Variants in BCL7C observed in about 807,000 individuals in gnomAD.
The protein encoded by BCL7C is B-cell CLL/lymphoma 7 protein family member C.
In BCL7C, 8 loss-of-function variants were observed where a neutral mutation model predicts 26.2. That is an observed-to-expected ratio of 0.30 (90% CI 0.18 to 0.55). The LOEUF is 0.55. Among genes scored for constraint, BCL7C ranks in the 20% least tolerant of loss-of-function variants. The pLI is 0.93. For missense variants in BCL7C, 262 were observed against 298.5 expected (o/e 0.88, Z 0.90); for synonymous variants, 90 against 116.5 (o/e 0.77, Z 1.47).
chr16:30,891,099 G>GTT (rs959181590), intron 4 of BCL7C, among the ~76,000 whole-genome samples: 1 of 150,434 alleles, frequency 6.6e-6, no homozygotes, highest in Non-Finnish European at 1.5e-5. Flanking sequence ...AACCTGGGAG[G>GTT]CAGAGTTTGC....
chr16:30,868,715 G>A (rs1374757999), intron 5 of BCL7C, among the ~76,000 whole-genome samples: 2 of 151,882 alleles, frequency 1.3e-5, no homozygotes, highest in Admixed American at 6.6e-5. Context: ...ATCCTGGGAG[G>A]TGGAGGTTGT....
chr16:30,890,676 TC>T, intron 4 of BCL7C, among the ~76,000 whole-genome samples: 1 of 149,240 alleles, frequency 6.7e-6, no homozygotes, highest in Non-Finnish European at 1.5e-5. Flanking sequence ...ATGGTGAAAC[TC>T]CATCTTTACT....
At chr16:30,864,885 C>T (rs1334325503) in intron 5 of BCL7C, among the ~76,000 whole-genome samples, 2 of 120,170 alleles carry the variant, frequency 1.7e-5, no homozygotes, top group African/African-American at 6.3e-5. Context: ...AATATTCTCC[C>T]CTGCCCTTAA....
chr16:30,850,590 G>A (rs1299586025), intron 5 of BCL7C, among the ~76,000 whole-genome samples: 1 of 152,094 alleles, frequency 6.6e-6, no homozygotes, highest in Non-Finnish European at 1.5e-5. Context: ...GAATACTGTA[G>A]GTGATATATA....
At chr16:30,846,102 T>G (rs1231348434) in intron 5 of BCL7C, among the ~76,000 whole-genome samples, 4 of 125,398 alleles carry the variant, frequency 3.2e-5, no homozygotes, top group Non-Finnish European at 5.0e-5. Flanking sequence ...AGAGCGAGAC[T>G]CCATCTCAAA....
chr16:30,887,423 G>C (rs1397917254), downstream of BCL7C, among the ~76,000 whole-genome samples: 1 of 148,528 alleles, frequency 6.7e-6, no homozygotes, highest in Non-Finnish European at 1.5e-5. Flanking sequence ...GCTGCAGTGA[G>C]CCATGATCGC....
intron 5 of BCL7C, among the ~76,000 whole-genome samples, chr16:30,864,465 C>A (rs548473505): frequency 5.9e-5 from 9 of 152,226 alleles, no homozygotes; most frequent in African/African-American, 2.2e-4. Context: ...TCTAACAACC[C>A]CACAATATCA....
Position 30,893,893 on chromosome 16 carries a change from T to C in BCL7C, c.52A>G (p.Ile18Val), listed in dbSNP as rs1162802948. ...AETRSRAKDD[I>V]KKVMATIEKV... Reference sequence around the variant, plus strand: ...TCGATGGTCGCCATCACCTTCTTGATGTCATCCTTGGCCCGGCTCCGGGTC... The same window carrying C: ...TCGATGGTCGCCATCACCTTCTTGACGTCATCCTTGGCCCGGCTCCGGGTC... The change falls in exon 1 of 6, where the codon ATC becomes GTC. Residue 18 changes from isoleucine (I) to valine (V), a missense_variant. Ile to Val is a conservative substitution (Grantham distance 29, BLOSUM62 3). Transcript: ENST00000215115. The surrounding 1 kb of genome is among the most constrained non-coding windows in gnomAD (Gnocchi z 5.2). 1.2e-5 allele frequency: 19 copies of C among 1,594,944 alleles called. No homozygotes were observed. The highest frequency in any genetic ancestry group is 1.4e-5 in the Non-Finnish European group (17 of 1,176,394).
intron 5 of BCL7C, among the ~76,000 whole-genome samples, chr16:30,870,287 A>C (rs547271390): frequency 1.3e-5 from 2 of 152,288 alleles, no homozygotes; most frequent in South Asian, 4.1e-4. Flanking sequence ...CTTTTTTATA[A>C]GAACACCCTT....
At chr16:30,845,711 A>G (rs867045965) in intron 5 of BCL7C, among the ~76,000 whole-genome samples, 3 of 149,144 alleles carry the variant, frequency 2.0e-5, no homozygotes, top group Middle Eastern at 3.5e-3. Flanking sequence ...GTATTTCTGC[A>G]TTCTTTTTTT....
At position 30,893,298 on chromosome 16, in the gene BCL7C, A is replaced by T. The variant is rs1400863462; in HGVS notation, c.93-8T>A. On this transcript the variant is annotated splice_region_variant and splice_polypyrimidine_tract_variant and intron_variant, in intron 1 of 5. Transcript: ENST00000215115. This position sits in a 1 kb window ranked among gnomAD's most constrained non-coding sequence, Gnocchi z 5.2. Reference sequence around the variant, plus strand: ...GTCACCCATCGCTTCTCCCTGTGGGAGGGTGGGGGGCTGGGTCAGAGAGGC... The same window carrying T: ...GTCACCCATCGCTTCTCCCTGTGGGTGGGTGGGGGGCTGGGTCAGAGAGGC... The T allele has an allele frequency of 6.2e-7, 1 of 1,611,842 alleles. No individual in the cohort carries two copies. The highest frequency in any genetic ancestry group is 8.5e-7 in the Non-Finnish European group (1 of 1,178,658).
intron 5 of BCL7C, among the ~76,000 whole-genome samples, chr16:30,868,543 T>C (rs547508817): frequency 6.6e-6 from 1 of 150,412 alleles, no homozygotes; most frequent in Non-Finnish European, 1.5e-5. Flanking sequence ...CCCAGCACTT[T>C]GGGAGGCCGA....
chr16:30,840,314 T>A (rs1283383680), intron 5 of BCL7C, among the ~76,000 whole-genome samples: 1 of 149,608 alleles, frequency 6.7e-6, no homozygotes, highest in African/African-American at 2.5e-5. Context: ...GCCTCCCAGG[T>A]TCAAGCAATT....
At chr16:30,858,498 T>G (rs1476119233) in intron 5 of BCL7C, among the ~76,000 whole-genome samples, 1 of 152,076 alleles carries the variant, frequency 6.6e-6, no homozygotes, top group Non-Finnish European at 1.5e-5. Flanking sequence ...CCAGTCAAAA[T>G]AAGGGCTTAA....
intron 5 of BCL7C, among the ~76,000 whole-genome samples, chr16:30,877,835 C>G (rs2054973522): frequency 6.6e-6 from 1 of 152,136 alleles, no homozygotes; most frequent in African/African-American, 2.4e-5. Flanking sequence ...GCTCACAGCT[C>G]CAAGCTTTGC....
At chr16:30,851,137 GT>G in intron 5 of BCL7C, 4 of 259,394 alleles carry the variant, frequency 1.5e-5, no homozygotes, top group Non-Finnish European at 2.3e-5. Flanking sequence ...CTACTGGTTC[GT>G]TTTCCCTGCA....
chr16:30,852,716 T>G (rs1433952123), intron 5 of BCL7C, among the ~76,000 whole-genome samples: 3 of 151,972 alleles, frequency 2.0e-5, no homozygotes, highest in African/African-American at 7.3e-5. Flanking sequence ...GGTCTCAAAC[T>G]CCTGACCTCA....
rs749703437 is a variant in BCL7C at position 30,892,914 on chromosome 16, G to A, written c.206C>T (p.Ser69Phe). The A allele has an allele frequency of 6.2e-7, 1 of 1,613,100 alleles. No individual in the cohort carries two copies. The highest frequency in any genetic ancestry group is 8.5e-7 in the Non-Finnish European group (1 of 1,179,962). ...CCTGCCCCGACGTTCCCGGCCACGG[G>A]ATCTCTCTGCCCCGCCACCTGCCCG... ...RRRAGGGAERSRGRERRGRGA... is the reference protein window; with the variant it reads ...RRRAGGGAERFRGRERRGRGA... Residue 69 changes from serine (S) to phenylalanine (F), a missense_variant, in exon 3 of 6, where the codon TCC becomes TTC. Transcript: ENST00000215115.
At chr16:30,843,618 A>G (rs964690902) in intron 5 of BCL7C, among the ~76,000 whole-genome samples, 1 of 151,996 alleles carries the variant, frequency 6.6e-6, no homozygotes, top group African/African-American at 2.4e-5. Flanking sequence ...GGTGTTTGCC[A>G]TGTTTGCCAT....
Sources: allele counts gnomAD v4.1 joint callset (sites outside exome capture counted in the v4.1 genomes callset), GRCh38; gene constraint gnomAD v4.1.1; non-coding constraint Gnocchi (gnomAD v3.1); transcripts MANE v1.5; gene names NCBI Gene and HGNC (gene_info 2026-07-23, HGNC 2026-07-21).